DCDC2C: variants seen among roughly 807,000 people sequenced by gnomAD.
DCDC2C encodes the protein doublecortin domain-containing protein 2C.
In DCDC2C, 44 loss-of-function variants were observed where a neutral mutation model predicts 45.0. The ratio of observed to expected loss-of-function variants is 0.98; its 90% confidence interval spans 0.77 to 1.26. The LOEUF is 1.26. Among genes scored for constraint, DCDC2C ranks in the 50% most tolerant of loss-of-function variants. DCDC2C has a pLI of 0.00. For missense variants in DCDC2C, 447 were observed against 468.9 expected (o/e 0.95, Z 0.43); for synonymous variants, 187 against 178.8 (o/e 1.05, Z -0.37).
intron 6 of DCDC2C, among the ~76,000 whole-genome samples, chr2:3,760,526 C>T (rs1669849451): frequency 6.6e-6 from 1 of 152,142 alleles, no homozygotes; most frequent in African/African-American, 2.4e-5. Flanking sequence ...ATGTTCTTTG[C>T]AGGGAAGTGA....
At chr2:3,731,594 A>G (rs357950) in intron 3 of DCDC2C, among the ~76,000 whole-genome samples, 122,165 of 152,132 alleles carry the variant, frequency 0.8, 49,597 homozygotes, top group South Asian at 0.93. Flanking sequence ...TTAACCAGCA[A>G]TTCCATTTGC....
At chr2:3,716,754 A>C (rs1027338471) in intron 2 of DCDC2C, among the ~76,000 whole-genome samples, 1 of 152,228 alleles carries the variant, frequency 6.6e-6, no homozygotes, top group Non-Finnish European at 1.5e-5. Context: ...CTGTCTCTAT[A>C]GGACCTGCCT....
chr2:3,790,833 G>A (rs1238344884), intron 10 of DCDC2C, among the ~76,000 whole-genome samples: 1 of 152,182 alleles, frequency 6.6e-6, no homozygotes, highest in Non-Finnish European at 1.5e-5. Flanking sequence ...TCTAGGCCGG[G>A]CGCGGTGGTT....
intron 10 of DCDC2C, among the ~76,000 whole-genome samples, chr2:3,814,427 G>T (rs887377793): frequency 1.3e-5 from 2 of 152,132 alleles, no homozygotes; most frequent in Non-Finnish European, 2.9e-5. Flanking sequence ...CCTCTAACCT[G>T]TTATCAAAGT....
rs1035800345 is a variant in DCDC2C at position 3,818,546 on chromosome 2, T to G, written c.1066-28608T>G. On this transcript the variant is annotated intron_variant, in intron 10 of 10. Coordinates refer to ENST00000399143, the MANE Select transcript of DCDC2C (RefSeq NM_001287444.2). This position sits in a 1 kb window ranked among gnomAD's most constrained non-coding sequence, Gnocchi z 4.7. ...TTGTCCAGTTTTTGGACAGGTACAATGGGGGAATTGTAAGAAGAGTTTATA... is the reference window on the plus strand; with the variant it reads ...TTGTCCAGTTTTTGGACAGGTACAAGGGGGGAATTGTAAGAAGAGTTTATA... Among the ~76,000 whole-genome samples the G allele has an allele frequency of 5.9e-5, 9 of 152,044 alleles. No homozygotes were observed. Among genetic ancestry groups the G allele is most frequent in the Non-Finnish European group, 1.5e-5 (1 of 68,018 alleles).
At chr2:3,727,943 T>C (rs1032890440) in intron 3 of DCDC2C, among the ~76,000 whole-genome samples, 1 of 152,216 alleles carries the variant, frequency 6.6e-6, no homozygotes, top group African/African-American at 2.4e-5. Context: ...CTTCCCCCTG[T>C]CCTTTTATTG....
chr2:3,832,895 T>G (rs116259255), intron 10 of DCDC2C, among the ~76,000 whole-genome samples: 3,746 of 152,322 alleles, frequency 0.025, 145 homozygotes, highest in African/African-American at 0.083. Context: ...CAAATTACCA[T>G]GAATTTAGTG....
Position 3,796,343 on chromosome 2 carries a change from A to G in DCDC2C, c.1065+11243A>G, listed in dbSNP as rs193249284. On this transcript the variant is annotated intron_variant, in intron 10 of 10. Coordinates refer to ENST00000399143, the MANE Select transcript of DCDC2C (RefSeq NM_001287444.2). ...GGACAACTTAAATTCTTCTTTTCCT[A>G]ACTGAATACCCTTTATTTCCTTCTC... Among the ~76,000 whole-genome samples the G allele has an allele frequency of 3.7e-4, 40 of 108,616 alleles. 17 individuals carry two copies. In the East Asian group the frequency reaches 0.026, roughly 71 times the overall value. 71.3% of individuals were successfully genotyped at this position (108,616 alleles called of 152,430 possible).
intron 6 of DCDC2C, among the ~76,000 whole-genome samples, chr2:3,755,410 T>G (rs1341327222): frequency 6.6e-6 from 1 of 152,134 alleles, no homozygotes; most frequent in Admixed American, 6.5e-5. Context: ...TGTATGTATT[T>G]AAATACATGT....
At chr2:3,753,176 G>A (rs951772962) in intron 5 of DCDC2C, among the ~76,000 whole-genome samples, 1 of 152,210 alleles carries the variant, frequency 6.6e-6, no homozygotes, top group Non-Finnish European at 1.5e-5. Flanking sequence ...GTTGAAATGT[G>A]CAACAGCTTC....
chr2:3,729,616 TC>T (rs1003616381), intron 3 of DCDC2C, among the ~76,000 whole-genome samples: 1 of 152,132 alleles, frequency 6.6e-6, no homozygotes, highest in African/African-American at 2.4e-5. Flanking sequence ...TAGGATTCTG[TC>T]CTCCGCCAGA....
At chr2:3,822,596 TA>T (rs1671720819) in intron 10 of DCDC2C, among the ~76,000 whole-genome samples, 3 of 79,810 alleles carry the variant, frequency 3.8e-5, no homozygotes, top group Non-Finnish European at 7.8e-5. Context: ...GAATTTTCTC[TA>T]GTTTTAAAAT....
At chr2:3,728,422 A>C (rs1668760880) in intron 3 of DCDC2C, among the ~76,000 whole-genome samples, 1 of 152,262 alleles carries the variant, frequency 6.6e-6, no homozygotes, top group Non-Finnish European at 1.5e-5. Context: ...TTTCCCGCAG[A>C]ACATACAGCA....
chr2:3,837,258 CTCAA>C (rs1340543290), intron 10 of DCDC2C, among the ~76,000 whole-genome samples: 5 of 152,212 alleles, frequency 3.3e-5, no homozygotes, highest in Non-Finnish European at 7.3e-5. Flanking sequence ...AATCAGAGAA[CTCAA>C]TCAATCGAGT....
intron 10 of DCDC2C, among the ~76,000 whole-genome samples, chr2:3,811,178 C>A (rs1671382888): frequency 6.6e-6 from 1 of 152,152 alleles, no homozygotes; most frequent in South Asian, 2.1e-4. Flanking sequence ...GGCAGTATGG[C>A]CATTTTCACG....
At chr2:3,746,914 G>A (rs544220298) in intron 4 of DCDC2C, among the ~76,000 whole-genome samples, 1 of 152,260 alleles carries the variant, frequency 6.6e-6, no homozygotes, top group South Asian at 2.1e-4. Flanking sequence ...AGTAAGGGAG[G>A]TGTTCTGGGG....
intron 10 of DCDC2C, among the ~76,000 whole-genome samples, chr2:3,804,387 ATTTC>A (rs749772106): frequency 6.6e-6 from 1 of 152,128 alleles, no homozygotes; most frequent in Non-Finnish European, 1.5e-5. Context: ...CTTGCCCATT[ATTTC>A]ATTTCCTGCT....
rs560986871 is a variant in DCDC2C at position 3,710,252 on chromosome 2, C to T, written c.339+1652C>T. On this transcript the variant is annotated intron_variant, in intron 2 of 10. Coordinates refer to ENST00000399143, the MANE Select transcript of DCDC2C (RefSeq NM_001287444.2). The stretch of plus-strand genomic sequence containing the variant: ...CATGTGCAGGATGTGCAGGTTTGTT[C>T]CACAGGTAAACATGTGCCATGGTGG... Among the ~76,000 whole-genome samples, 225 of 152,052 alleles carry T rather than the reference C, an allele frequency of 1.5e-3. 1 individual carries two copies. Among genetic ancestry groups the T allele is most frequent in the Non-Finnish European group, 2.3e-3 (159 of 67,974 alleles).
At chr2:3,799,034 A>G (rs1283528448) in intron 10 of DCDC2C, among the ~76,000 whole-genome samples, 1 of 152,086 alleles carries the variant, frequency 6.6e-6, no homozygotes, top group Non-Finnish European at 1.5e-5. Context: ...TGGTCTTTTC[A>G]CATAGTCGCA....
Sources: allele counts gnomAD v4.1 joint callset (sites outside exome capture counted in the v4.1 genomes callset), GRCh38; gene constraint gnomAD v4.1.1; non-coding constraint Gnocchi (gnomAD v3.1); transcripts MANE v1.5; gene names NCBI Gene and HGNC (gene_info 2026-07-23, HGNC 2026-07-21).